Variants in NFAT5 observed in about 807,000 individuals in gnomAD.
NFAT5 encodes nuclear factor of activated T-cells 5.
A neutral mutation model predicts 166.5 loss-of-function variants in NFAT5; 31 were observed. The observed-to-expected ratio is 0.19, with a 90% CI of 0.14 to 0.25. NFAT5 has a LOEUF of 0.25. NFAT5 is among the 10% of genes least tolerant of loss of function. The pLI, the probability that NFAT5 is intolerant of heterozygous loss-of-function variation, is 1.00. For missense variants in NFAT5, 1,449 were observed against 1,821.8 expected, an observed-to-expected ratio of 0.80 and a Z score of 3.72; for synonymous variants, 612 against 639.7, an observed-to-expected ratio of 0.96 and a Z score of 0.65.
At position 69,692,009 on chromosome 16, in the gene NFAT5, G is replaced by A. The variant is rs2037566364; in HGVS notation, c.2184G>A (p.Gln728=). Residue 728 remains glutamine (Q), a synonymous_variant, in exon 13 of 15, where the codon CAG becomes CAA. Transcript: ENST00000349945. ...NSDALLQQAT[Q]FQTRETQSRE... is the part of the protein sequence containing the mutation. ...ATGCACTATTGCAGCAGGCTACACA[G>A]TTTCAGACAAGAGAAACTCAGTCTA... is the stretch of plus-strand genomic sequence containing the variant. 6.2e-7 allele frequency: 1 copy of A among 1,614,154 alleles called. No homozygotes were observed. Among genetic ancestry groups the A allele is most frequent in the Non-Finnish European group, 8.5e-7 (1 of 1,180,042 alleles).
intron 2 of NFAT5, among the ~76,000 whole-genome samples, chr16:69,596,717 T>TA (rs1177895504): frequency 0.011 from 1,420 of 125,108 alleles, 11 homozygotes; most frequent in African/African-American, 0.025. Context: ...GACTCTATCT[T>TA]AAAAAAAAAA....
chr16:69,617,946 C>T (rs563648005), intron 2 of NFAT5, among the ~76,000 whole-genome samples: 13 of 149,776 alleles, frequency 8.7e-5, no homozygotes, highest in Admixed American at 6.0e-4. Context: ...CACCTGAGGT[C>T]GGGAGTTCGA....
intron 2 of NFAT5, among the ~76,000 whole-genome samples, chr16:69,572,547 C>T (rs942143159): frequency 1.3e-5 from 2 of 151,970 alleles, no homozygotes; most frequent in Non-Finnish European, 2.9e-5. Context: ...AGAGAAAAGG[C>T]ACCATTTGTT....
At chr16:69,590,318 T>G (rs2032382283) in intron 2 of NFAT5, among the ~76,000 whole-genome samples, 1 of 152,240 alleles carries the variant, frequency 6.6e-6, no homozygotes, top group Non-Finnish European at 1.5e-5. Flanking sequence ...TTAGACAATT[T>G]TGCTATGGTA....
At chr16:69,628,549 A>G (rs1267762882) in intron 3 of NFAT5, among the ~76,000 whole-genome samples, 1 of 152,192 alleles carries the variant, frequency 6.6e-6, no homozygotes, top group Non-Finnish European at 1.5e-5. Context: ...TTCATACCTT[A>G]CCATTATAAA....
At chr16:69,612,234 TAGTC>T (rs1034721816) in intron 2 of NFAT5, among the ~76,000 whole-genome samples, 15 of 152,178 alleles carry the variant, frequency 9.9e-5, no homozygotes, top group African/African-American at 3.6e-4. Flanking sequence ...TGCCGAACCT[TAGTC>T]AGAGAAGACA....
intron 2 of NFAT5, among the ~76,000 whole-genome samples, chr16:69,575,456 T>C (rs7192543): frequency 0.55 from 82,915 of 151,804 alleles, 24,094 homozygotes; most frequent in East Asian, 0.82. Flanking sequence ...GTGTGAGCCA[T>C]TGGGCCTGGC....
At chr16:69,657,868 G>A (rs896932788) in intron 6 of NFAT5, among the ~76,000 whole-genome samples, 7 of 150,068 alleles carry the variant, frequency 4.7e-5, no homozygotes, top group South Asian at 2.1e-4. Context: ...GGCGGATCAC[G>A]AGGTCAGGAG....
At chr16:69,618,649 G>C (rs774842818) in intron 2 of NFAT5, among the ~76,000 whole-genome samples, 59 of 152,214 alleles carry the variant, frequency 3.9e-4, no homozygotes, top group Non-Finnish European at 4.0e-4. Flanking sequence ...AGTTAATGGA[G>C]AGGTGGAAGA....
intron 2 of NFAT5, among the ~76,000 whole-genome samples, chr16:69,576,650 G>T (rs2016773715): frequency 6.6e-6 from 1 of 152,064 alleles, no homozygotes; most frequent in Non-Finnish European, 1.5e-5. Flanking sequence ...TGGGCGGATC[G>T]CTTGAACTCA....
chr16:69,689,049 G>A (rs1334036155), intron 11 of NFAT5, among the ~76,000 whole-genome samples: 4 of 152,184 alleles, frequency 2.6e-5, no homozygotes. Flanking sequence ...CTAGTAGGGA[G>A]GATCACTTGA....
At chr16:69,595,637 A>G (rs774066535) in intron 2 of NFAT5, among the ~76,000 whole-genome samples, 4 of 152,222 alleles carry the variant, frequency 2.6e-5, no homozygotes, top group Non-Finnish European at 5.9e-5. Context: ...GCAGTTTTAC[A>G]GATAGAAGAC....
At chr16:69,655,826 T>G (rs763153827) in intron 6 of NFAT5, 27 bp downstream of exon 6, 35 of 1,579,256 alleles carry the variant, frequency 2.2e-5, no homozygotes, top group Non-Finnish European at 2.8e-5. Context: ...AATTTTTCAT[T>G]ATACATTACA....
intron 7 of NFAT5, among the ~76,000 whole-genome samples, chr16:69,667,762 TATACC>T (rs2036460155): frequency 6.6e-6 from 1 of 152,184 alleles, no homozygotes; most frequent in Non-Finnish European, 1.5e-5. Flanking sequence ...TTTAACAAGA[TATACC>T]ATATGTTTCT....
intron 2 of NFAT5, among the ~76,000 whole-genome samples, chr16:69,577,018 G>C (rs2016798822): frequency 6.6e-6 from 1 of 152,222 alleles, no homozygotes. Flanking sequence ...ATGAGCAACA[G>C]AAGAAATAGT....
intron 9 of NFAT5, 83 bp from the exon 10 acceptor site, chr16:69,677,120 G>A: frequency 2.3e-6 from 3 of 1,318,912 alleles, no homozygotes; most frequent in Admixed American, 2.4e-5. Flanking sequence ...AAACTTTACA[G>A]CTAACAGGAA....
intron 2 of NFAT5, among the ~76,000 whole-genome samples, chr16:69,589,081 A>G (rs2032297752): frequency 7.4e-6 from 1 of 134,846 alleles, no homozygotes; most frequent in South Asian, 2.3e-4. Flanking sequence ...CACAACCTCC[A>G]CGTCCTGGGT....
intron 2 of NFAT5, among the ~76,000 whole-genome samples, chr16:69,598,362 A>G (rs577512389): frequency 6.8e-6 from 1 of 146,322 alleles, no homozygotes; most frequent in East Asian, 2.0e-4. Context: ...TGGGTGACAG[A>G]GCGAGACCCT....
intron 9 of NFAT5, among the ~76,000 whole-genome samples, chr16:69,673,076 T>C (rs562108413): frequency 2.6e-5 from 4 of 152,166 alleles, no homozygotes; most frequent in African/African-American, 9.7e-5. Context: ...TTAAAACACT[T>C]TTTTTCAGGG....
Sources: allele counts gnomAD v4.1 joint callset (sites outside exome capture counted in the v4.1 genomes callset), GRCh38; gene constraint gnomAD v4.1.1; transcripts MANE v1.5; gene names NCBI Gene and HGNC (gene_info 2026-07-23, HGNC 2026-07-21).